The following UBR2 variants were observed in gnomAD, a reference collection of about 807,000 sequenced individuals.
The protein encoded by UBR2 is ubiquitin protein ligase E3 component n-recognin 2, also known as E3 ubiquitin-protein ligase UBR2.
A neutral mutation model predicts 247.9 loss-of-function variants in UBR2; 92 were observed. The observed-to-expected ratio is 0.37, with a 90% CI of 0.31 to 0.44. The LOEUF (loss-of-function observed/expected upper bound fraction) is 0.44, where lower values mean the gene tolerates loss of function less well. UBR2 is among the 20% of genes least tolerant of loss of function. The probability of loss-of-function intolerance (pLI) is 1.00; values close to 1 mark genes in which losing one functional copy is unlikely to be tolerated. For synonymous variants in UBR2, 672 were observed against 693.5 expected (o/e 0.97, Z 0.49); for missense variants, 1,613 against 2,112.6 (o/e 0.76, Z 4.64).
intron 9 of UBR2, 103 bp downstream of exon 9, chr6:42,615,281 G>T: frequency 1.2e-6 from 1 of 840,332 alleles, no homozygotes; most frequent in Non-Finnish European, 1.7e-6. Context: ...ATATATTTGT[G>T]CTTCTTAAAA....
At chr6:42,585,717 A>G (rs1206488020) in intron 2 of UBR2, among the ~76,000 whole-genome samples, 1 of 152,182 alleles carries the variant, frequency 6.6e-6, no homozygotes, top group Non-Finnish European at 1.5e-5. Flanking sequence ...TTGACATAAA[A>G]TTGTGCCTAT....
At chr6:42,611,152 T>TAA (rs77005793) in intron 7 of UBR2, among the ~76,000 whole-genome samples, 2,562 of 128,854 alleles carry the variant, frequency 0.02, 69 homozygotes, top group African/African-American at 0.068. Flanking sequence ...AGCCATGATT[T>TAA]AAAAAAAAAA....
At chr6:42,650,763 ATGTATAT>A (rs1797065133) in intron 23 of UBR2, among the ~76,000 whole-genome samples, 1 of 152,202 alleles carries the variant, frequency 6.6e-6, no homozygotes, top group African/African-American at 2.4e-5. Context: ...TTTTGTACAT[ATGTATAT>A]ACGATCTATA....
Position 42,573,737 on chromosome 6 carries a change from T to C in UBR2, c.82T>C (p.Trp28Arg). The change falls in exon 2 of 47, where the codon TGG becomes CGG. Residue 28 changes from tryptophan (W) to arginine (R), a missense_variant. Coordinates refer to ENST00000372901, the MANE Select transcript of UBR2 (RefSeq NM_001363705.2). ...ECSAEEIAGK[W>R]LQATDLTREV... ...CTTCTCTTTTCTTCTTTTAAAGAAATGGCTGCAAGCAACTGACCTCACTAG... is the reference window on the plus strand; with the variant it reads ...CTTCTCTTTTCTTCTTTTAAAGAAACGGCTGCAAGCAACTGACCTCACTAG... The C allele has an allele frequency of 6.6e-7, 1 of 1,512,604 alleles. No homozygotes were observed. The highest frequency in any genetic ancestry group is 8.9e-7 in the Non-Finnish European group (1 of 1,126,940). The allele number at this position is 1,512,604 out of a possible 1,614,324, so 93.7% of individuals were successfully genotyped here.
At chr6:42,570,512 C>T (rs914610831) in intron 1 of UBR2, among the ~76,000 whole-genome samples, 2 of 152,032 alleles carry the variant, frequency 1.3e-5, no homozygotes, top group Admixed American at 6.6e-5. Context: ...GGATTATAGG[C>T]GTGAGCCACT....
At chr6:42,615,032 G>A in intron 8 of UBR2, 39 bp from the exon 9 acceptor site, 2 of 1,526,400 alleles carry the variant, frequency 1.3e-6, no homozygotes, top group South Asian at 2.3e-5. Context: ...TTTAATATTT[G>A]AAGTTGCTAT....
At position 42,564,135 on chromosome 6, in the gene UBR2, GGA is replaced by G. The variant is rs1396717198; in HGVS notation, c.-183_-182del. The G allele has an allele frequency of 4.7e-6, 3 of 637,780 alleles. No individual in the cohort carries two copies. The highest frequency in any genetic ancestry group is 7.8e-6 in the Non-Finnish European group (3 of 382,172). 39.5% of individuals were successfully genotyped at this position (637,780 alleles called of 1,614,324 possible). A position where few individuals can be genotyped will look rare whatever the true frequency, so the allele number is the denominator to read the frequency against. On this transcript the variant is annotated 5_prime_UTR_variant, in exon 1 of 47. Transcript: ENST00000372901. Reference sequence around the variant, plus strand: ...GGCGCTAAGCTTGGGAGGGAGCGCAGGAGGCCGCTGTCCTTCCTTTCCGGTTC... The same window carrying G: ...GGCGCTAAGCTTGGGAGGGAGCGCAGGGCCGCTGTCCTTCCTTTCCGGTTC...
At chr6:42,682,178 G>T (rs2151992880) in intron 42 of UBR2, among the ~76,000 whole-genome samples, 1 of 152,294 alleles carries the variant, frequency 6.6e-6, no homozygotes, top group South Asian at 2.1e-4. Context: ...AATACTGTAT[G>T]ATTCCACTTC....
In UBR2 at chr6:42,691,355, G is replaced by A. The variant is rs562165442; in HGVS notation, c.*182G>A. ...TTCCATCAGCAGATTTTCTTGCACT[G>A]TTTGCTGTGCCCCTCAAATATAATG... On this transcript the variant is annotated 3_prime_UTR_variant, in exon 47 of 47. Transcript: ENST00000372901. The A allele has an allele frequency of 2.6e-4, 199 of 765,582 alleles. No individual in the cohort carries two copies. In the Middle Eastern group the frequency reaches 3.9e-3, roughly 15 times the overall value. 47.4% of individuals were successfully genotyped at this position (765,582 alleles called of 1,614,324 possible).
At position 42,603,473 on chromosome 6, in the gene UBR2, C is replaced by T. The variant is rs116222913; in HGVS notation, c.532-115C>T. 9.9e-4 allele frequency: 993 copies of T among 1,004,268 alleles called. 4 individuals carry two copies. The African/African-American group carries it at 0.015, about 15-fold the overall frequency. The allele number at this position is 1,004,268 out of a possible 1,614,324, so 62.2% of individuals were successfully genotyped here. A position where few individuals can be genotyped will look rare whatever the true frequency, so the allele number is the denominator to read the frequency against. On this transcript the variant is annotated intron_variant, in intron 4 of 46. Transcript: ENST00000372901. ...CAAATTCATTGAAGAGAAGCTGAAG[C>T]TGGAAGACCAGTCAACTTTTTACTA...
intron 22 of UBR2, among the ~76,000 whole-genome samples, 171 bp from the exon 23 acceptor site, chr6:42,650,113 C>T (rs1797028978): frequency 6.6e-6 from 1 of 152,168 alleles, no homozygotes; most frequent in Non-Finnish European, 1.5e-5. Flanking sequence ...AAAACAGATG[C>T]ATGTAGAACT....
At chr6:42,636,671 A>G (rs572442223) in intron 14 of UBR2, among the ~76,000 whole-genome samples, 2 of 152,264 alleles carry the variant, frequency 1.3e-5, no homozygotes, top group East Asian at 3.9e-4. Context: ...TAATAGAGAG[A>G]CGCTTGGCAA....
At position 42,679,826 on chromosome 6, in the gene UBR2, T is replaced by C. The variant is rs776759758; in HGVS notation, c.4712T>C (p.Ile1571Thr). Residue 1571 changes from isoleucine (I) to threonine (T), a missense_variant, in exon 42 of 47, where the codon ATT (isoleucine) becomes ACT (threonine). Ile to Thr is a moderately conservative substitution (Grantham distance 89). Around this residue, in one of 3 missense-constraint regions of UBR2, gnomAD observed 1,524 missense variants for 1,967.3 expected, o/e 0.77. Coordinates refer to ENST00000372901, the MANE Select transcript of UBR2 (RefSeq NM_001363705.2). Reference protein sequence around the residue: ...QENSEIMNSLIESWCRNSEVK... With the variant: ...QENSEIMNSLTESWCRNSEVK... ...AATAGTGAGATAATGAATTCACTGA[T>C]TGAAAGGTAATGATTATATACTTTT... 5 of 1,603,582 alleles carry C rather than the reference T, an allele frequency of 3.1e-6. No individual in the cohort carries two copies. Among genetic ancestry groups the C allele is most frequent in the South Asian group, 2.2e-5 (2 of 90,488 alleles).
In UBR2 at chr6:42,644,216, A is replaced by C; in HGVS notation, c.2100A>C (p.Thr700=). The change falls in exon 19 of 47, where the codon ACA becomes ACC. Residue 700 remains threonine, a splice_region_variant and synonymous_variant. Transcript: ENST00000372901. The part of the protein sequence containing the change: ...MFDKDVVMLQ[T]GVSMMDPNHF... The stretch of plus-strand genomic sequence containing the variant: ...CAAACATTAAAAAAAAAAAAAAGAC[A>C]GGTGTCTCCATGATGGATCCAAATC... 1.9e-6 allele frequency: 3 copies of C among 1,578,786 alleles called. No homozygotes were observed. Among genetic ancestry groups the C allele is most frequent in the African/African-American group, 1.4e-5 (1 of 72,376 alleles).
At chr6:42,571,141 G>A (rs1791104304) in intron 1 of UBR2, among the ~76,000 whole-genome samples, 1 of 150,898 alleles carries the variant, frequency 6.6e-6, no homozygotes, top group South Asian at 2.1e-4. Context: ...TACTTGGGAG[G>A]CTGAGGCAGG....
intron 44 of UBR2, among the ~76,000 whole-genome samples, chr6:42,686,505 ATC>A (rs956447875): frequency 6.6e-6 from 1 of 151,886 alleles, no homozygotes; most frequent in Admixed American, 6.6e-5. Context: ...TAACAATCTG[ATC>A]TCTCTTTCTT....
intron 11 of UBR2, among the ~76,000 whole-genome samples, chr6:42,621,615 A>T (rs1795000726): frequency 6.6e-6 from 1 of 151,976 alleles, no homozygotes; most frequent in Non-Finnish European, 1.5e-5. Context: ...GGCATGCGCC[A>T]CCACACCTGG....
chr6:42,615,667 G>A (rs1191404603), intron 9 of UBR2, among the ~76,000 whole-genome samples: 1 of 151,688 alleles, frequency 6.6e-6, no homozygotes, highest in Non-Finnish European at 1.5e-5. Flanking sequence ...GTGTGTGCCT[G>A]TAGTCTCAGC....
chr6:42,614,194 A>T (rs866847085), intron 8 of UBR2, among the ~76,000 whole-genome samples: 2,512 of 41,112 alleles, frequency 0.061, 192 homozygotes, highest in African/African-American at 0.13. Context: ...AAAAAAAAAA[A>T]AAAAAAAAAA....
Sources: gnomAD v4.1 joint callset for allele counts (sites outside exome capture counted in the v4.1 genomes callset) on GRCh38, gnomAD v4.1.1 for gene constraint, gnomAD v4.1.1 regional missense constraint, MANE v1.5 for transcripts, NCBI Gene and HGNC (gene_info 2026-07-23, HGNC 2026-07-21) for gene names.